TDRP: variants seen among roughly 807,000 people sequenced by gnomAD.
TDRP encodes the protein testis development-related protein.
TDRP carries 12 observed loss-of-function variants against 10.5 expected under a neutral mutation model. That is an observed-to-expected ratio of 1.15 (90% CI 0.73 to 1.86). The LOEUF (loss-of-function observed/expected upper bound fraction) is 1.86. Among genes scored for constraint, TDRP ranks in the 40% most tolerant of loss-of-function variants. The pLI, the probability that TDRP is intolerant of heterozygous loss-of-function variation, is 0.00. For synonymous variants in TDRP, 139 were observed against 95.4 expected, an observed-to-expected ratio of 1.46 and a Z score of -2.67; for missense variants, 353 against 229.2, an observed-to-expected ratio of 1.54 and a Z score of -3.49.
At chr8:505,443 C>G (rs1292596246) in intron 1 of TDRP, among the ~76,000 whole-genome samples, 4 of 152,162 alleles carry the variant, frequency 2.6e-5, no homozygotes, top group Non-Finnish European at 5.9e-5. Flanking sequence ...TTTTATAAAA[C>G]TAGAACAAGC....
intron 1 of TDRP, among the ~76,000 whole-genome samples, chr8:518,358 A>G (rs7016531): frequency 0.049 from 7,514 of 152,272 alleles, 615 homozygotes; most frequent in African/African-American, 0.17. Context: ...CAAAGCCAAC[A>G]GGCATGGGTA....
At chr8:499,458 C>T (rs916327072) in intron 1 of TDRP, among the ~76,000 whole-genome samples, 5 of 152,206 alleles carry the variant, frequency 3.3e-5, no homozygotes, top group African/African-American at 1.2e-4. Flanking sequence ...TGCTGCACAT[C>T]CCATCAGATG....
chr8:524,798 T>C (rs1377514941), intron 1 of TDRP, among the ~76,000 whole-genome samples: 1 of 152,102 alleles, frequency 6.6e-6, no homozygotes, highest in East Asian at 1.9e-4. Context: ...ACAATGAGGC[T>C]TGCTTACAGG....
At chr8:529,656 GTATTTT>G (rs1186481814) in intron 1 of TDRP, among the ~76,000 whole-genome samples, 2 of 152,122 alleles carry the variant, frequency 1.3e-5, no homozygotes, top group Non-Finnish European at 1.5e-5. Context: ...CTGGCTGGGT[GTATTTT>G]TATTTTTAAC....
At chr8:520,752 A>G (rs192446733) in intron 1 of TDRP, among the ~76,000 whole-genome samples, 14 of 152,238 alleles carry the variant, frequency 9.2e-5, no homozygotes, top group Non-Finnish European at 1.5e-4. Context: ...CTGTGCACCA[A>G]CGTCTACTCA....
At chr8:514,923 A>G (rs1335745651) in intron 1 of TDRP, among the ~76,000 whole-genome samples, 3 of 152,156 alleles carry the variant, frequency 2.0e-5, no homozygotes, top group African/African-American at 7.2e-5. Flanking sequence ...CACTTTCTCA[A>G]ATGAAGGAAT....
intron 1 of TDRP, among the ~76,000 whole-genome samples, chr8:498,851 A>G (rs1222449563): frequency 1.3e-5 from 2 of 151,188 alleles, no homozygotes; most frequent in African/African-American, 4.9e-5. Flanking sequence ...TTCTCACAAG[A>G]TCTGATCATT....
intron 1 of TDRP, among the ~76,000 whole-genome samples, chr8:517,976 G>A (rs1393117919): frequency 6.6e-6 from 1 of 152,144 alleles, no homozygotes; most frequent in African/African-American, 2.4e-5. Context: ...TGAAAAGGTG[G>A]AGCACAGTGG....
chr8:511,736 A>G (rs924702760), intron 1 of TDRP, among the ~76,000 whole-genome samples: 2 of 152,232 alleles, frequency 1.3e-5, no homozygotes, highest in Non-Finnish European at 1.5e-5. Context: ...AAAACTATTC[A>G]AAGTCCTTTC....
intron 1 of TDRP, among the ~76,000 whole-genome samples, chr8:515,754 G>A (rs1316917108): frequency 6.6e-6 from 1 of 151,982 alleles, no homozygotes; most frequent in Non-Finnish European, 1.5e-5. Context: ...TTACTGGAAA[G>A]GAAAATATAA....
rs959190789 is a variant in TDRP, at chr8:491,912, T to C, written c.*487A>G. ...TGTTTAATAAGAACAAAGTTTAATT[T>C]GTCAAGTTAAACAAAATTTAACATA... On this transcript the variant is annotated 3_prime_UTR_variant, in exon 3 of 3. Transcript: ENST00000324079. The C allele has an allele frequency of 4.4e-6, 5 of 1,148,828 alleles. No homozygotes were observed. The African/African-American group carries it at 4.8e-5, about 11-fold the overall frequency. The allele number at this position is 1,148,828 out of a possible 1,614,324, so 71.2% of individuals were successfully genotyped here.
At chr8:509,707 G>A (rs1202162656) in intron 1 of TDRP, among the ~76,000 whole-genome samples, 1 of 152,110 alleles carries the variant, frequency 6.6e-6, no homozygotes, top group Non-Finnish European at 1.5e-5. Context: ...TTTCCCTATT[G>A]TCTTGATGAT....
At chr8:502,229 C>CT (rs1219845243) in intron 1 of TDRP, among the ~76,000 whole-genome samples, 1 of 152,234 alleles carries the variant, frequency 6.6e-6, no homozygotes, top group African/African-American at 2.4e-5. Context: ...TCACAGTGAA[C>CT]TTATCTTTAA....
intron 1 of TDRP, among the ~76,000 whole-genome samples, chr8:497,153 G>C (rs960244153): frequency 6.6e-6 from 1 of 152,242 alleles, no homozygotes; most frequent in Non-Finnish European, 1.5e-5. Flanking sequence ...TAATGGGGCA[G>C]AGGCTGGAAT....
In TDRP at chr8:517,716, C is replaced by CTTGG. The variant is rs546177470; in HGVS notation, c.109-23123_109-23120dup. ...GAAAATCAGGCTGTAGCCCAACAAC[C>CTTGG]TTGGGTACATGTTCTCAAGATCACC... On this transcript the variant is annotated intron_variant, in intron 1 of 2. Transcript: ENST00000324079. 3.3e-5 allele frequency among the ~76,000 whole-genome samples: 5 copies of CTTGG among 152,318 alleles called. No homozygotes were observed. In the East Asian group the frequency reaches 7.7e-4, roughly 23 times the overall value.
At chr8:539,476 A>G (rs1230732489) in intron 1 of TDRP, among the ~76,000 whole-genome samples, 2 of 152,318 alleles carry the variant, frequency 1.3e-5, no homozygotes, top group African/African-American at 2.4e-5. Context: ...GGATGACTGT[A>G]TAACATTTAA....
intron 2 of TDRP, 82 bp downstream of exon 2, chr8:494,412 G>A (rs1293872348): frequency 2.2e-6 from 3 of 1,364,500 alleles, no homozygotes; most frequent in Non-Finnish European, 3.1e-6. Context: ...CTGCATTTAT[G>A]CCATCAAATC....
At chr8:532,354 A>G (rs1488354479) in intron 1 of TDRP, among the ~76,000 whole-genome samples, 1 of 152,234 alleles carries the variant, frequency 6.6e-6, no homozygotes, top group Non-Finnish European at 1.5e-5. Flanking sequence ...AATCTGTCTC[A>G]GAAGGGCACA....
In TDRP at chr8:496,714, G is replaced by A. The variant is rs374309204; in HGVS notation, c.109-2117C>T. On this transcript the variant is annotated intron_variant, in intron 1 of 2. Coordinates refer to ENST00000324079, the MANE Select transcript of TDRP (RefSeq NM_001384899.1). ...CCTGCATGTCCTAAAGGTGTGATACGGTGTGGCTCTGTGTCCCCACACAAG... is the reference window on the plus strand; with the variant it reads ...CCTGCATGTCCTAAAGGTGTGATACAGTGTGGCTCTGTGTCCCCACACAAG... 2.7e-4 allele frequency among the ~76,000 whole-genome samples: 41 copies of A among 152,284 alleles called. No individual in the cohort carries two copies. The East Asian group carries it at 4.1e-3, about 15-fold the overall frequency.
Sources: allele counts gnomAD v4.1 joint callset (sites outside exome capture counted in the v4.1 genomes callset), GRCh38; gene constraint gnomAD v4.1.1; transcripts MANE v1.5; gene names NCBI Gene and HGNC (gene_info 2026-07-23, HGNC 2026-07-21).